NOL4: variants seen among roughly 807,000 people sequenced by gnomAD.
The protein encoded by NOL4 is nucleolar protein 4.
In NOL4, 17 loss-of-function variants were observed where a neutral mutation model predicts 75.9. The observed-to-expected ratio is 0.22, with a 90% CI of 0.15 to 0.34. The LOEUF is 0.34. Ranked by LOEUF, NOL4 falls within the 10% of genes least tolerant of loss-of-function variation. The probability of loss-of-function intolerance (pLI) is 1.00; values close to 1 mark genes in which losing one functional copy is unlikely to be tolerated. For missense variants in NOL4, 614 were observed against 793.5 expected (o/e 0.77, Z 2.72); for synonymous variants, 292 against 289.9 (o/e 1.01, Z -0.07).
At position 34,162,723 on chromosome 18, in the gene NOL4, C is replaced by T. The variant is rs980792527; in HGVS notation, c.265-32703G>A. Among the ~76,000 whole-genome samples the T allele has an allele frequency of 1.9e-4, 29 of 152,174 alleles. 1 individual carries two copies. Among genetic ancestry groups the T allele is most frequent in the Admixed American group, 8.5e-4 (13 of 15,282 alleles). On this transcript the variant is annotated intron_variant, in intron 1 of 10. Transcript: ENST00000261592. ...TCCAATCAACAGAAAAAGAGGGACTCCTCCCTAACTCATTTTATGAGGCCA... is the reference window on the plus strand; with the variant it reads ...TCCAATCAACAGAAAAAGAGGGACTTCTCCCTAACTCATTTTATGAGGCCA...
chr18:33,993,869 G>GA (rs1429220002), intron 6 of NOL4, among the ~76,000 whole-genome samples: 6 of 149,208 alleles, frequency 4.0e-5, no homozygotes, highest in Non-Finnish European at 6.0e-5. Context: ...GAAGAAAGAG[G>GA]AAAAAAAAGA....
intron 9 of NOL4, among the ~76,000 whole-genome samples, chr18:33,903,027 C>T (rs941279974): frequency 1.3e-5 from 2 of 152,114 alleles, no homozygotes; most frequent in Non-Finnish European, 2.9e-5. Context: ...AATTTTAAAA[C>T]TAAGTCTCAG....
At chr18:34,183,304 G>A (rs934074330) in intron 1 of NOL4, among the ~76,000 whole-genome samples, 1 of 151,782 alleles carries the variant, frequency 6.6e-6, no homozygotes, top group Admixed American at 6.6e-5. Flanking sequence ...GTGTTCAATA[G>A]CCCTATTCAT....
chr18:34,087,572 TA>T (rs1222534092), intron 5 of NOL4, among the ~76,000 whole-genome samples: 1 of 152,116 alleles, frequency 6.6e-6, no homozygotes, highest in Non-Finnish European at 1.5e-5. Context: ...TGGTTTAATC[TA>T]ATATGCAATG....
intron 1 of NOL4, among the ~76,000 whole-genome samples, chr18:34,171,650 G>A (rs953556682): frequency 6.6e-5 from 10 of 152,002 alleles, no homozygotes; most frequent in Non-Finnish European, 1.2e-4. Context: ...TAGTGTGAAG[G>A]GAAAGTCAAC....
At chr18:34,139,454 T>C (rs1336631863) in intron 1 of NOL4, among the ~76,000 whole-genome samples, 1 of 152,180 alleles carries the variant, frequency 6.6e-6, no homozygotes, top group Non-Finnish European at 1.5e-5. Flanking sequence ...GATTTTCTAG[T>C]TTATTTGCAT....
chr18:34,042,632 G>A (rs2076189283), intron 5 of NOL4, among the ~76,000 whole-genome samples: 1 of 152,070 alleles, frequency 6.6e-6, no homozygotes, highest in Non-Finnish European at 1.5e-5. Context: ...AAGTGATAAT[G>A]AGTGGATGCT....
intron 10 of NOL4, among the ~76,000 whole-genome samples, chr18:33,870,471 C>A (rs79306270): frequency 0.01 from 1,585 of 151,850 alleles, 21 homozygotes; most frequent in African/African-American, 0.036. Flanking sequence ...CTGAAAAAAA[C>A]CAATTAATAT....
chr18:33,984,139 T>G (rs957408037), intron 6 of NOL4, among the ~76,000 whole-genome samples: 1 of 152,064 alleles, frequency 6.6e-6, no homozygotes, highest in African/African-American at 2.4e-5. Context: ...CAATATCTAG[T>G]CAACAACAAA....
intron 1 of NOL4, among the ~76,000 whole-genome samples, chr18:34,166,582 G>A: frequency 6.6e-6 from 1 of 151,938 alleles, no homozygotes; most frequent in Admixed American, 6.6e-5. Context: ...TAACACAATA[G>A]AAAAATATTA....
intron 1 of NOL4, among the ~76,000 whole-genome samples, chr18:34,140,879 T>G (rs1017625364): frequency 2.0e-5 from 3 of 151,820 alleles, no homozygotes; most frequent in African/African-American, 7.3e-5. Context: ...GGCCTCATGG[T>G]GACAAAATCT....
chr18:34,197,932 G>A (rs1366279943), intron 1 of NOL4, among the ~76,000 whole-genome samples: 2 of 151,876 alleles, frequency 1.3e-5, no homozygotes, highest in African/African-American at 4.8e-5. Context: ...AGGCCCAGAA[G>A]GAAGGGAGGT....
chr18:34,035,994 A>G (rs899707509), intron 5 of NOL4, among the ~76,000 whole-genome samples: 2 of 152,168 alleles, frequency 1.3e-5, no homozygotes, highest in African/African-American at 4.8e-5. Flanking sequence ...AAATCTTCCA[A>G]CAAAGCAAAG....
chr18:33,963,555 C>T (rs2070326788), intron 6 of NOL4, among the ~76,000 whole-genome samples: 3 of 152,050 alleles, frequency 2.0e-5, no homozygotes, highest in African/African-American at 4.8e-5. Flanking sequence ...TAAAAAAATC[C>T]AAACCAGAAC....
At chr18:34,157,950 G>C (rs201676437) in intron 1 of NOL4, among the ~76,000 whole-genome samples, 1 of 152,054 alleles carries the variant, frequency 6.6e-6, no homozygotes, top group Admixed American at 6.5e-5. Flanking sequence ...TAGTGGCTTT[G>C]AAAACACCAT....
chr18:33,859,302 C>T (rs565889002), intron 10 of NOL4, among the ~76,000 whole-genome samples: 5 of 152,058 alleles, frequency 3.3e-5, no homozygotes, highest in East Asian at 3.9e-4. Context: ...CAACACAATG[C>T]GATCTGTATG....
intron 5 of NOL4, among the ~76,000 whole-genome samples, chr18:34,023,059 T>A (rs8086342): frequency 6.6e-6 from 1 of 151,828 alleles, no homozygotes; most frequent in Non-Finnish European, 1.5e-5. Context: ...CATATTTCAT[T>A]CCTGAGTAAA....
chr18:34,140,050 G>A (rs549894923), intron 1 of NOL4, among the ~76,000 whole-genome samples: 2 of 152,158 alleles, frequency 1.3e-5, no homozygotes, highest in South Asian at 4.1e-4. Context: ...GAGACAGTTT[G>A]CTATAATTTC....
At chr18:34,121,544 G>A (rs1218364016) in intron 2 of NOL4, among the ~76,000 whole-genome samples, 2 of 152,108 alleles carry the variant, frequency 1.3e-5, no homozygotes, top group East Asian at 1.9e-4. Context: ...AGAGAAAGAC[G>A]GCGAAGATTT....
Sources: allele counts gnomAD v4.1 joint callset (sites outside exome capture counted in the v4.1 genomes callset), GRCh38; gene constraint gnomAD v4.1.1; transcripts MANE v1.5; gene names NCBI Gene and HGNC (gene_info 2026-07-23, HGNC 2026-07-21).